KCNIP4: variants seen among roughly 807,000 people sequenced by gnomAD.
KCNIP4 encodes potassium voltage-gated channel interacting protein 4.
In KCNIP4, 12 loss-of-function variants were observed where a neutral mutation model predicts 34.0. The ratio of observed to expected loss-of-function variants is 0.35; its 90% CI spans 0.23 to 0.57. KCNIP4 has a LOEUF of 0.57. Among genes scored for constraint, KCNIP4 ranks in the 20% least tolerant of loss-of-function variants. The pLI is 0.83. For missense variants in KCNIP4, 238 were observed against 311.7 expected (o/e 0.76, Z 1.78); for synonymous variants, 124 against 102.2 (o/e 1.21, Z -1.29).
intron 1 of KCNIP4, among the ~76,000 whole-genome samples, chr4:21,512,196 CGAACGAAG>C (rs113447480): frequency 1.8e-3 from 63 of 34,720 alleles, no homozygotes; most frequent in African/African-American, 3.6e-3. Flanking sequence ...AACGAAGGAA[CGAACGAAG>C]GAAGGAAGGA....
intron 1 of KCNIP4, among the ~76,000 whole-genome samples, chr4:21,284,914 T>C (rs561261111): frequency 6.6e-6 from 1 of 152,218 alleles, no homozygotes; most frequent in South Asian, 2.1e-4. Context: ...CCCAACAGCC[T>C]CTGCTACAGC....
chr4:21,000,809 T>A (rs1738064944), intron 1 of KCNIP4, among the ~76,000 whole-genome samples: 1 of 152,226 alleles, frequency 6.6e-6, no homozygotes, highest in African/African-American at 2.4e-5. Context: ...GTCTCCACTA[T>A]GTGCCTTGAT....
chr4:21,922,163 T>C (rs1728973307), intron 1 of KCNIP4, among the ~76,000 whole-genome samples: 1 of 152,232 alleles, frequency 6.6e-6, no homozygotes, highest in Non-Finnish European at 1.5e-5. Context: ...ATTTTACTTA[T>C]AATCTAGGCC....
intron 1 of KCNIP4, among the ~76,000 whole-genome samples, chr4:21,279,500 T>C (rs57521507): frequency 0.32 from 47,555 of 149,408 alleles, 8,033 homozygotes; most frequent in South Asian, 0.52. Context: ...TATATATATA[T>C]ACATACATAC....
At chr4:20,963,799 G>C (rs937800952) in intron 1 of KCNIP4, among the ~76,000 whole-genome samples, 2 of 152,032 alleles carry the variant, frequency 1.3e-5, no homozygotes, top group East Asian at 3.9e-4. Flanking sequence ...AATATTAGAC[G>C]AGAATGAGCA....
chr4:21,818,878 C>CT lies in KCNIP4; in HGVS notation c.61+129692dup, dbSNP rs530144991. Among the ~76,000 whole-genome samples the CT allele has an allele frequency of 6.0e-5, 9 of 151,040 alleles. No individual in the cohort carries two copies. The South Asian group carries it at 1.3e-3, about 21-fold the overall frequency. On this transcript the variant is annotated intron_variant, in intron 1 of 8. Transcript: ENST00000382152. ...CAAAACAAAACAAAACAACAAAACA[C>CT]TTTTTTTTCTACAAGTAGAGTAGTA...
At chr4:21,654,644 C>G (rs2108977069) in intron 1 of KCNIP4, among the ~76,000 whole-genome samples, 1 of 152,196 alleles carries the variant, frequency 6.6e-6, no homozygotes, top group South Asian at 2.1e-4. Context: ...GAAAACTGGG[C>G]CGGGTATGGT....
At chr4:20,896,433 A>G (rs1726537086) in intron 1 of KCNIP4, among the ~76,000 whole-genome samples, 1 of 152,238 alleles carries the variant, frequency 6.6e-6, no homozygotes, top group Non-Finnish European at 1.5e-5. Context: ...TAGTTAATAT[A>G]AAGTTATATT....
At chr4:21,832,583 TA>T (rs1408069175) in intron 1 of KCNIP4, among the ~76,000 whole-genome samples, 15 of 35,354 alleles carry the variant, frequency 4.2e-4, no homozygotes, top group Non-Finnish European at 1.0e-3. Flanking sequence ...TTATTTTTTT[TA>T]TTTTTTTTTT....
At chr4:21,873,366 C>T (rs778356044) in intron 1 of KCNIP4, among the ~76,000 whole-genome samples, 7 of 152,296 alleles carry the variant, frequency 4.6e-5, no homozygotes, top group Non-Finnish European at 8.8e-5. Flanking sequence ...CATAGCCATG[C>T]CCATCAATTA....
rs1375266022 is a variant in KCNIP4, at chr4:21,519,751, GTGTGTA to G, written c.61+428814_61+428819del. 4.4e-5 allele frequency among the ~76,000 whole-genome samples: 6 copies of G among 137,000 alleles called. 1 individual carries two copies. The highest frequency in any genetic ancestry group is 1.2e-4 in the African/African-American group (4 of 33,888). 89.9% of individuals were successfully genotyped at this position (137,000 alleles called of 152,430 possible). Reference sequence around the variant, plus strand: ...GTGTGTATATGTATGATACACACGTGTGTGTATGTATGTGTGTATACACACGTGTGT... The same window carrying G: ...GTGTGTATATGTATGATACACACGTGTGTATGTGTGTATACACACGTGTGT... On this transcript the variant is annotated intron_variant, in intron 1 of 8. Coordinates refer to ENST00000382152, the MANE Select transcript of KCNIP4 (RefSeq NM_025221.6).
At chr4:21,183,993 A>T (rs1321844887) in intron 1 of KCNIP4, among the ~76,000 whole-genome samples, 1 of 152,022 alleles carries the variant, frequency 6.6e-6, no homozygotes, top group African/African-American at 2.4e-5. Context: ...ACTACCAAAA[A>T]TTGTTGTTTA....
intron 1 of KCNIP4, among the ~76,000 whole-genome samples, chr4:21,114,247 TAAAC>T (rs910455865): frequency 8.5e-5 from 13 of 152,300 alleles, no homozygotes; most frequent in African/African-American, 2.6e-4. Flanking sequence ...GACTCACTTT[TAAAC>T]AAACAAACAA....
intron 1 of KCNIP4, among the ~76,000 whole-genome samples, chr4:20,922,547 GTCTATCTATCTA>G (rs1553916287): frequency 0.015 from 1,994 of 129,488 alleles, 35 homozygotes; most frequent in Middle Eastern, 0.056. Context: ...CTGTCTGTCT[GTCTATCTATCTA>G]TCTATCTATC....
chr4:20,945,644 A>G (rs867221424), intron 1 of KCNIP4, among the ~76,000 whole-genome samples: 1 of 152,024 alleles, frequency 6.6e-6, no homozygotes, highest in South Asian at 2.1e-4. Flanking sequence ...TATATGACAA[A>G]TTTTGCCCTA....
intron 1 of KCNIP4, among the ~76,000 whole-genome samples, chr4:21,944,960 C>G (rs1340435061): frequency 1.3e-5 from 2 of 152,112 alleles, no homozygotes; most frequent in South Asian, 4.1e-4. Context: ...CTTGAACAAA[C>G]AAAATACTCA....
At chr4:20,960,663 G>A (rs529265160) in intron 1 of KCNIP4, among the ~76,000 whole-genome samples, 3 of 152,316 alleles carry the variant, frequency 2.0e-5, no homozygotes, top group Non-Finnish European at 4.4e-5. Flanking sequence ...ATTAAACTCT[G>A]ATGAAAACAT....
chr4:21,382,731 C>G (rs983012934), intron 1 of KCNIP4, among the ~76,000 whole-genome samples: 1 of 152,104 alleles, frequency 6.6e-6, no homozygotes, highest in African/African-American at 2.4e-5. Flanking sequence ...ACCCATGGCT[C>G]AAATCTGAAT....
intron 1 of KCNIP4, among the ~76,000 whole-genome samples, chr4:21,074,450 G>T (rs1745286143): frequency 6.6e-6 from 1 of 152,114 alleles, no homozygotes; most frequent in Non-Finnish European, 1.5e-5. Flanking sequence ...ATTCTCTGAT[G>T]GTAGTTTGTA....
Sources: allele counts gnomAD v4.1 joint callset (sites outside exome capture counted in the v4.1 genomes callset), GRCh38; gene constraint gnomAD v4.1.1; transcripts MANE v1.5; gene names NCBI Gene and HGNC (gene_info 2026-07-23, HGNC 2026-07-21).